The following INPP4B variants were observed in gnomAD, a reference collection of about 807,000 sequenced individuals.
INPP4B encodes inositol polyphosphate 4-phosphatase type II.
Under a neutral mutation model 122.5 loss-of-function variants are expected in INPP4B, and 55 were observed. The observed-to-expected ratio is 0.45, with a 90% CI of 0.36 to 0.56. INPP4B has a LOEUF of 0.56. Ranked by LOEUF, INPP4B falls within the 20% of genes least tolerant of loss-of-function variation. INPP4B has a pLI of 0.00. For missense variants in INPP4B, 1,000 were observed against 1,097.7 expected, an observed-to-expected ratio of 0.91 and a Z score of 1.26; for synonymous variants, 403 against 388.7, an observed-to-expected ratio of 1.04 and a Z score of -0.43.
intron 7 of INPP4B, among the ~76,000 whole-genome samples, chr4:142,318,737 T>C (rs1768831112): frequency 6.6e-6 from 1 of 152,214 alleles, no homozygotes; most frequent in Non-Finnish European, 1.5e-5. Context: ...CTAAAATAAA[T>C]TTCCTGCTCT....
At position 142,495,071 on chromosome 4, in the gene INPP4B, C is replaced by T. The variant is rs557910127; in HGVS notation, c.-190-32345G>A. On this transcript the variant is annotated intron_variant, in intron 2 of 25. Coordinates refer to ENST00000262992, the MANE Select transcript of INPP4B (RefSeq NM_001101669.3). ...AAGGATCGAAGAAATCTTCTACAGG[C>T]ATCTTAATGACTAATATTCTACAAA... Among the ~76,000 whole-genome samples the T allele has an allele frequency of 3.3e-5, 5 of 152,196 alleles. No individual in the cohort carries two copies. The South Asian group carries it at 8.3e-4, about 25-fold the overall frequency.
intron 25 of INPP4B, among the ~76,000 whole-genome samples, chr4:142,071,132 A>C (rs1767028574): frequency 6.6e-6 from 1 of 152,330 alleles, no homozygotes; most frequent in South Asian, 2.1e-4. Flanking sequence ...CTGGTCCGAA[A>C]CAGAGATATA....
chr4:142,719,689 T>G (rs576565332), intron 2 of INPP4B, among the ~76,000 whole-genome samples: 1 of 152,232 alleles, frequency 6.6e-6, no homozygotes, highest in South Asian at 2.1e-4. Flanking sequence ...AACTAAAAAA[T>G]TATATGTACT....
chr4:142,077,898 G>T (rs1445437271), intron 25 of INPP4B, among the ~76,000 whole-genome samples: 2 of 151,906 alleles, frequency 1.3e-5, no homozygotes, highest in South Asian at 2.1e-4. Context: ...TTAGTCAAGT[G>T]GTTCTCAATC....
intron 2 of INPP4B, among the ~76,000 whole-genome samples, chr4:142,685,742 A>G (rs1759252852): frequency 6.6e-6 from 1 of 152,146 alleles, no homozygotes; most frequent in African/African-American, 2.4e-5. Context: ...CCTGGGAGAC[A>G]GAGTTAGACC....
intron 1 of INPP4B, among the ~76,000 whole-genome samples, chr4:142,749,511 A>G (rs1769317836): frequency 6.6e-6 from 1 of 151,436 alleles, no homozygotes; most frequent in Non-Finnish European, 1.5e-5. Context: ...AAAATGATGT[A>G]GCCATCGTTT....
intron 3 of INPP4B, among the ~76,000 whole-genome samples, chr4:142,436,730 C>T (rs1327627692): frequency 6.6e-6 from 1 of 151,954 alleles, no homozygotes; most frequent in Admixed American, 6.6e-5. Context: ...ACAAAAATGT[C>T]CCCACAGAAA....
At chr4:142,651,799 A>G (rs1448509340) in intron 2 of INPP4B, among the ~76,000 whole-genome samples, 4 of 152,240 alleles carry the variant, frequency 2.6e-5, no homozygotes, top group Non-Finnish European at 5.9e-5. Flanking sequence ...ATGTACATAG[A>G]GGAGCTGGTA....
chr4:142,843,494 A>G (rs1783815670), intron 1 of INPP4B, among the ~76,000 whole-genome samples: 2 of 151,992 alleles, frequency 1.3e-5, no homozygotes, highest in Admixed American at 6.6e-5. Context: ...TCACCTGAAC[A>G]TTTAACTTGA....
chr4:142,237,745 C>T, intron 12 of INPP4B, 119 bp downstream of exon 12: 1 of 527,126 alleles, frequency 1.9e-6, no homozygotes, highest in Non-Finnish European at 3.3e-6. Flanking sequence ...CTCGGTTTAG[C>T]TATTTCACAA....
In INPP4B at chr4:142,208,906, G is replaced by A; in HGVS notation, c.957C>T (p.Ser319=). ...NMYQDILTEL[S]KETGSSFKSS... ...AAATTGCTTCCACACCTGTTTCCTTGCTAAGTTCTGTCAGAATGTCTTGGT... is the reference window on the plus strand; with the variant it reads ...AAATTGCTTCCACACCTGTTTCCTTACTAAGTTCTGTCAGAATGTCTTGGT... The change falls in exon 13 of 26, where the codon AGC becomes AGT. Residue 319 remains serine, a synonymous_variant. Transcript: ENST00000262992. 6.4e-7 allele frequency: 1 copy of A among 1,564,164 alleles called. No individual in the cohort carries two copies. Among genetic ancestry groups the A allele is most frequent in the Non-Finnish European group, 8.7e-7 (1 of 1,152,186 alleles).
At chr4:142,632,414 T>C (rs1226699815) in intron 2 of INPP4B, among the ~76,000 whole-genome samples, 1 of 152,058 alleles carries the variant, frequency 6.6e-6, no homozygotes, top group Non-Finnish European at 1.5e-5. Flanking sequence ...GAGAGTAGAC[T>C]GGTGATTACC....
At chr4:142,688,091 TC>T (rs1299906604) in intron 2 of INPP4B, among the ~76,000 whole-genome samples, 1 of 152,124 alleles carries the variant, frequency 6.6e-6, no homozygotes. Context: ...TACTCAGCCT[TC>T]CCCTGAAGGG....
chr4:142,450,803 C>A (rs1174379280), intron 3 of INPP4B, among the ~76,000 whole-genome samples: 1 of 152,064 alleles, frequency 6.6e-6, no homozygotes, highest in Non-Finnish European at 1.5e-5. Flanking sequence ...ATTCTAGAGC[C>A]CTTTCTCTTT....
chr4:142,317,611 A>G (rs6850050), intron 7 of INPP4B: 19,359 of 163,204 alleles, frequency 0.12, 1,424 homozygotes, highest in Middle Eastern at 0.2. Context: ...AAATGTACAA[A>G]GCATTTGAAA....
Position 142,082,184 on chromosome 4 carries a change from A to G in INPP4B, c.2489T>C (p.Ile830Thr). 2 of 1,503,712 alleles carry G rather than the reference A, an allele frequency of 1.3e-6. No homozygotes were observed. Among genetic ancestry groups the G allele is most frequent in the Non-Finnish European group, 1.8e-6 (2 of 1,104,082 alleles). The allele number at this position is 1,503,712 out of a possible 1,614,324, so 93.1% of individuals were successfully genotyped here. A position where few individuals can be genotyped will look rare whatever the true frequency, so the allele number is the denominator to read the frequency against. ...NVEIMWLAAT[I>T]CRKLNGIRFT... ...ACGAATACCATTCAGTTTGCGGCAA[A>G]TCTGTAACATATGTAAGAACGAACG... is the stretch of plus-strand genomic sequence containing the variant. Residue 830 changes from isoleucine to threonine, a missense_variant and splice_region_variant, in exon 25 of 26, where the codon ATT becomes ACT. Physicochemically the swap from Ile to Thr is moderately conservative, Grantham distance 89. Coordinates refer to ENST00000262992, the MANE Select transcript of INPP4B (RefSeq NM_001101669.3).
chr4:142,769,077 T>C (rs1444535583), intron 1 of INPP4B, among the ~76,000 whole-genome samples: 1 of 152,156 alleles, frequency 6.6e-6, no homozygotes, highest in African/African-American at 2.4e-5. Context: ...GTTTTGATGA[T>C]TGGATATACA....
At chr4:142,411,344 T>A (rs1425227491) in intron 5 of INPP4B, among the ~76,000 whole-genome samples, 1 of 152,196 alleles carries the variant, frequency 6.6e-6, no homozygotes, top group Non-Finnish European at 1.5e-5. Flanking sequence ...CTCTGCTCTG[T>A]ACATTTCCTT....
chr4:142,103,739 C>T (rs1349934715), intron 23 of INPP4B, among the ~76,000 whole-genome samples: 1 of 152,028 alleles, frequency 6.6e-6, no homozygotes. Context: ...GACTTTTGCA[C>T]ATAATATTAT....
Sources: gnomAD v4.1 joint callset for allele counts (sites outside exome capture counted in the v4.1 genomes callset) on GRCh38, gnomAD v4.1.1 for gene constraint, MANE v1.5 for transcripts, NCBI Gene and HGNC (gene_info 2026-07-23, HGNC 2026-07-21) for gene names.